Variants in KIAA1217 observed in about 807,000 individuals in gnomAD.
KIAA1217 encodes the protein KIAA1217, also known as sickle tail protein homolog.
In KIAA1217, 88 loss-of-function variants were observed where a neutral mutation model predicts 163.9. The observed-to-expected ratio is 0.54, with a 90% confidence interval of 0.45 to 0.64. The LOEUF is 0.64. Among genes scored for constraint, KIAA1217 ranks in the 30% least tolerant of loss-of-function variants. KIAA1217 has a pLI of 0.00. For missense variants in KIAA1217, 2,372 were observed against 2,475.0 expected (o/e 0.96, Z 0.88); for synonymous variants, 903 against 923.1 (o/e 0.98, Z 0.39).
intron 1 of KIAA1217, among the ~76,000 whole-genome samples, chr10:23,956,528 A>T (rs1284440952): frequency 6.6e-6 from 1 of 152,112 alleles, no homozygotes; most frequent in Non-Finnish European, 1.5e-5. Flanking sequence ...CCTTCTAATC[A>T]GTTACCAAAT....
rs529867706 is a variant in KIAA1217 at position 23,803,153 on chromosome 10, G to A, written c.-321+107919G>A. On this transcript the variant is annotated intron_variant, in intron 1 of 18. Coordinates refer to the KIAA1217 transcript ENST00000376462. Reference sequence around the variant, plus strand: ...TACAGTTGACTCACTGTCCTAAGAAGTCAGATAGAAGACTGGATTTATAAT... The same window carrying A: ...TACAGTTGACTCACTGTCCTAAGAAATCAGATAGAAGACTGGATTTATAAT... 3.2e-4 allele frequency among the ~76,000 whole-genome samples: 48 copies of A among 152,292 alleles called. No individual in the cohort carries two copies. The South Asian group carries it at 3.7e-3, about 12-fold the overall frequency.
intron 1 of KIAA1217, among the ~76,000 whole-genome samples, chr10:23,705,047 G>A (rs1462276910): frequency 1.3e-5 from 2 of 152,100 alleles, no homozygotes; most frequent in East Asian, 1.9e-4. Flanking sequence ...AATGACTAAT[G>A]AGGTTAGGTA....
At chr10:24,030,584 A>T (rs1390118131) in intron 2 of KIAA1217, among the ~76,000 whole-genome samples, 1 of 152,170 alleles carries the variant, frequency 6.6e-6, no homozygotes, top group Admixed American at 6.5e-5. Flanking sequence ...GGACTAATAC[A>T]GATGTGCAAC....
chr10:24,504,607 G>A (rs1290828844), intron 9 of KIAA1217, among the ~76,000 whole-genome samples: 2 of 152,130 alleles, frequency 1.3e-5, no homozygotes, highest in Middle Eastern at 3.2e-3. Flanking sequence ...AGAGATATAC[G>A]AAACACTAGA....
At chr10:24,412,300 G>A (rs532998452) in intron 3 of KIAA1217, among the ~76,000 whole-genome samples, 19 of 152,216 alleles carry the variant, frequency 1.2e-4, no homozygotes, top group East Asian at 5.8e-4. Flanking sequence ...GGACTATTTC[G>A]AGATTGGATG....
At chr10:23,905,835 T>C (rs1842139841) in intron 1 of KIAA1217, among the ~76,000 whole-genome samples, 1 of 152,188 alleles carries the variant, frequency 6.6e-6, no homozygotes, top group Non-Finnish European at 1.5e-5. Context: ...GGTAGGGAAG[T>C]GTGTGCACAC....
chr10:23,701,039 C>T (rs979583468), intron 1 of KIAA1217, among the ~76,000 whole-genome samples: 4 of 152,124 alleles, frequency 2.6e-5, no homozygotes, highest in Admixed American at 2.6e-4. Flanking sequence ...GTACCTATAT[C>T]ATAGAGTCTT....
chr10:24,102,187 T>C (rs1397166073), intron 2 of KIAA1217, among the ~76,000 whole-genome samples: 1 of 152,208 alleles, frequency 6.6e-6, no homozygotes, highest in Non-Finnish European at 1.5e-5. Flanking sequence ...GAAGCAATTA[T>C]AGCAAGGTTG....
chr10:24,511,173 A>AAAGG (rs2069103996), intron 9 of KIAA1217, among the ~76,000 whole-genome samples: 1 of 46,918 alleles, frequency 2.1e-5, no homozygotes. Flanking sequence ...AAAAAAAAAA[A>AAAGG]GGAGCCTGGC....
At chr10:24,414,377 C>T (rs753932189) in intron 3 of KIAA1217, among the ~76,000 whole-genome samples, 12 of 152,188 alleles carry the variant, frequency 7.9e-5, no homozygotes, top group Non-Finnish European at 1.3e-4. Flanking sequence ...AAGCAGATTC[C>T]TTCCACCTGG....
chr10:24,134,318 G>C (rs1467956410), intron 2 of KIAA1217, among the ~76,000 whole-genome samples: 1 of 152,182 alleles, frequency 6.6e-6, no homozygotes, highest in African/African-American at 2.4e-5. Context: ...ATGCAGGTAG[G>C]AGAGCAATTA....
intron 2 of KIAA1217, among the ~76,000 whole-genome samples, chr10:24,145,499 T>A (rs542633160): frequency 2.0e-5 from 3 of 152,334 alleles, no homozygotes; most frequent in African/African-American, 7.2e-5. Flanking sequence ...AAAATAAGTG[T>A]TTACTGAGCG....
At chr10:23,707,414 C>A (rs1836961538) in intron 1 of KIAA1217, among the ~76,000 whole-genome samples, 1 of 152,086 alleles carries the variant, frequency 6.6e-6, no homozygotes. Context: ...TGTCATTATC[C>A]TCAGAGCAGT....
At chr10:23,902,410 A>T (rs1841993523) in intron 1 of KIAA1217, among the ~76,000 whole-genome samples, 1 of 152,062 alleles carries the variant, frequency 6.6e-6, no homozygotes, top group Non-Finnish European at 1.5e-5. Context: ...TGGAGCAAGA[A>T]GTCTGATTGG....
At chr10:24,441,193 A>G (rs2060471394) in intron 5 of KIAA1217, among the ~76,000 whole-genome samples, 1 of 152,006 alleles carries the variant, frequency 6.6e-6, no homozygotes, top group Non-Finnish European at 1.5e-5. Flanking sequence ...GATGCTAACT[A>G]CTCACATGAG....
At chr10:24,250,473 C>A (rs1404041553) in intron 2 of KIAA1217, among the ~76,000 whole-genome samples, 1 of 151,308 alleles carries the variant, frequency 6.6e-6, no homozygotes, top group Non-Finnish European at 1.5e-5. Flanking sequence ...CTCTCTGTCA[C>A]CCAGGCTGGA....
chr10:23,908,298 T>C (rs940034808), intron 1 of KIAA1217, among the ~76,000 whole-genome samples: 3 of 152,048 alleles, frequency 2.0e-5, no homozygotes, highest in Admixed American at 6.6e-5. Context: ...TCAAATCTTT[T>C]CCATAATTTG....
At chr10:23,825,175 C>G (rs574752226) in intron 1 of KIAA1217, among the ~76,000 whole-genome samples, 15 of 152,248 alleles carry the variant, frequency 9.9e-5, no homozygotes, top group African/African-American at 3.4e-4. Flanking sequence ...TATTAGAAAA[C>G]GTCTGCATCT....
At chr10:24,472,419 TC>T (rs1363246885) in intron 5 of KIAA1217, among the ~76,000 whole-genome samples, 1 of 152,140 alleles carries the variant, frequency 6.6e-6, no homozygotes. Flanking sequence ...GCATCTCCTT[TC>T]CCCCTGCTCA....
Sources: gnomAD v4.1 joint callset for allele counts (sites outside exome capture counted in the v4.1 genomes callset) on GRCh38, gnomAD v4.1.1 for gene constraint, MANE v1.5 for transcripts, NCBI Gene and HGNC (gene_info 2026-07-23, HGNC 2026-07-21) for gene names.